Variants in CEPT1 observed in about 807,000 individuals in gnomAD.
CEPT1 encodes the protein choline/ethanolaminephosphotransferase 1.
CEPT1 carries 7 observed loss-of-function variants against 42.6 expected under a neutral mutation model. The ratio of observed to expected loss-of-function variants is 0.16; its 90% confidence interval spans 0.09 to 0.31. The LOEUF (loss-of-function observed/expected upper bound fraction) is 0.31, where lower values mean the gene tolerates loss of function less well. Ranked by LOEUF, CEPT1 falls within the 10% of genes least tolerant of loss-of-function variation. The pLI is 1.00. For missense variants in CEPT1, 306 were observed against 502.1 expected, an observed-to-expected ratio of 0.61 and a Z score of 3.73; for synonymous variants, 171 against 171.9, an observed-to-expected ratio of 0.99 and a Z score of 0.04.
intron 4 of CEPT1, among the ~76,000 whole-genome samples, chr1:111,174,549 A>G (rs954674308): frequency 6.6e-6 from 1 of 151,310 alleles, no homozygotes; most frequent in Non-Finnish European, 1.5e-5. Context: ...TCTGCTTGAT[A>G]CTCAAAATTT....
chr1:111,156,802 T>C (rs1655598269), intron 2 of CEPT1, among the ~76,000 whole-genome samples: 1 of 152,226 alleles, frequency 6.6e-6, no homozygotes, highest in South Asian at 2.1e-4. Flanking sequence ...TATATTTGTA[T>C]GTATGTAAAA....
rs142435317 is a variant in CEPT1, at chr1:111,151,048, A to G, written c.339+2995A>G. Among the ~76,000 whole-genome samples the G allele has an allele frequency of 1.7e-3, 254 of 151,990 alleles. 1 individual carries two copies. Among genetic ancestry groups the G allele is most frequent in the African/African-American group, 5.7e-3 (238 of 41,448 alleles). On this transcript the variant is annotated intron_variant, in intron 2 of 8. Coordinates refer to ENST00000357172, the MANE Select transcript of CEPT1 (RefSeq NM_006090.5). ...TATTCTGAGCCAAATATCAGTGACT[A>G]TGGCCTGTGACACAGCCCTCAGGAG...
chr1:111,150,764 A>G (rs1247832535), intron 2 of CEPT1, among the ~76,000 whole-genome samples: 1 of 152,240 alleles, frequency 6.6e-6, no homozygotes, highest in East Asian at 1.9e-4. Context: ...CTCCTAGTAG[A>G]TAAGAAAATA....
intron 4 of CEPT1, among the ~76,000 whole-genome samples, chr1:111,164,768 G>A (rs1312783258): frequency 2.0e-5 from 3 of 151,538 alleles, no homozygotes; most frequent in Middle Eastern, 3.5e-3. Flanking sequence ...CTACAGGTGC[G>A]TGCTGCCACC....
chr1:111,162,627 G>C (rs1310375667), intron 4 of CEPT1, among the ~76,000 whole-genome samples: 1 of 152,190 alleles, frequency 6.6e-6, no homozygotes, highest in African/African-American at 2.4e-5. Flanking sequence ...GAAATTTATT[G>C]AACAGCCAGA....
In CEPT1 at chr1:111,158,791, T is replaced by C. The variant is rs554015711; in HGVS notation, c.340-589T>C. Among the ~76,000 whole-genome samples, 107 of 152,206 alleles carry C rather than the reference T, an allele frequency of 7.0e-4. 1 individual carries two copies. The highest frequency in any genetic ancestry group is 6.8e-3 in the Middle Eastern group (2 of 294). Reference sequence around the variant, plus strand: ...GACCCTTCTAATCTAAAGAATCTTATGGAAGACACCTAGTCCAATCTCTTG... The same window carrying C: ...GACCCTTCTAATCTAAAGAATCTTACGGAAGACACCTAGTCCAATCTCTTG... On this transcript the variant is annotated intron_variant, in intron 2 of 8. Transcript: ENST00000357172.
intron 1 of CEPT1, among the ~76,000 whole-genome samples, chr1:111,147,441 A>G (rs1029925302): frequency 6.6e-5 from 10 of 152,112 alleles, no homozygotes; most frequent in African/African-American, 2.4e-4. Flanking sequence ...GTCTCTTACT[A>G]TTTTTTGCTT....
intron 4 of CEPT1, among the ~76,000 whole-genome samples, chr1:111,165,921 C>A (rs561464611): frequency 1.2e-3 from 189 of 152,266 alleles, no homozygotes; most frequent in Admixed American, 2.4e-3. Context: ...TATTTGAAGA[C>A]CTCTTGATAA....
intron 4 of CEPT1, among the ~76,000 whole-genome samples, chr1:111,165,104 C>T (rs1158189747): frequency 8.3e-6 from 1 of 120,382 alleles, no homozygotes; most frequent in Admixed American, 1.1e-4. Context: ...GGCTAGAGTG[C>T]AGTGGTGCGA....
chr1:111,159,629 G>A (rs1655769033), intron 3 of CEPT1, 102 bp downstream of exon 3: 2 of 868,478 alleles, frequency 2.3e-6, no homozygotes, highest in Non-Finnish European at 3.3e-6. Context: ...AAGTAATTTT[G>A]TATTAAATTT....
intron 2 of CEPT1, among the ~76,000 whole-genome samples, chr1:111,157,818 A>G (rs1486090935): frequency 6.6e-6 from 1 of 152,230 alleles, no homozygotes; most frequent in Non-Finnish European, 1.5e-5. Context: ...ATAGATCTCT[A>G]TCAGAGAGAA....
intron 1 of CEPT1, among the ~76,000 whole-genome samples, chr1:111,142,427 CAG>C (rs1314191256): frequency 5.9e-5 from 9 of 152,134 alleles, no homozygotes; most frequent in African/African-American, 2.2e-4. Context: ...TCTGTTTCAT[CAG>C]AGTCTGGAAC....
At chr1:111,160,468 C>T (rs779189546) in intron 3 of CEPT1, 1 of 152,244 alleles carries the variant, frequency 6.6e-6, no homozygotes, top group Non-Finnish European at 1.5e-5. Flanking sequence ...AAAATCATTG[C>T]TTCATTGTAT....
intron 2 of CEPT1, among the ~76,000 whole-genome samples, chr1:111,149,023 T>G (rs1655123492): frequency 6.6e-6 from 1 of 152,198 alleles, no homozygotes; most frequent in African/African-American, 2.4e-5. Context: ...TCAGATTATT[T>G]GTCCTTTGAG....
chr1:111,167,597 G>A, intron 4 of CEPT1: 1 of 975,626 alleles, frequency 1.0e-6, no homozygotes. Flanking sequence ...ATTAATGTAG[G>A]AAAGATTCTG....
chr1:111,183,678 C>A, intron 8 of CEPT1, 91 bp downstream of exon 8: 2 of 1,255,160 alleles, frequency 1.6e-6, no homozygotes, highest in South Asian at 1.4e-5. Flanking sequence ...AAAGATCGTT[C>A]ATATAATTGT....
chr1:111,148,085 C>T, intron 2 of CEPT1, 32 bp downstream of exon 2: 1 of 1,536,092 alleles, frequency 6.5e-7, no homozygotes, highest in South Asian at 1.1e-5. Context: ...TCAACATTTG[C>T]TATATACCAA....
rs565236401 is a variant in CEPT1, at chr1:111,183,807, C to T, written c.1131+220C>T. On this transcript the variant is annotated intron_variant, in intron 8 of 8. Coordinates refer to ENST00000357172, the MANE Select transcript of CEPT1 (RefSeq NM_006090.5). The stretch of plus-strand genomic sequence containing the variant: ...CTAGTCCTGCCTACATCGGGCAGGG[C>T]TCATAAATTGCAAATTTCTGACTGA... Among the ~76,000 whole-genome samples, 15 of 152,232 alleles carry T rather than the reference C, an allele frequency of 9.9e-5. No homozygotes were observed. In the South Asian group the frequency reaches 3.1e-3, roughly 32 times the overall value.
Position 111,184,327 on chromosome 1 carries a change from T to G in CEPT1, c.*17T>G. The G allele has an allele frequency of 6.3e-7, 1 of 1,594,856 alleles. No individual in the cohort carries two copies. Among genetic ancestry groups the G allele is most frequent in the South Asian group, 1.1e-5 (1 of 88,176 alleles). ...CATCATTAATGATGTAATTGGTATA[T>G]AGGAACATCATGTTTTCTGCAGGAA... On this transcript the variant is annotated 3_prime_UTR_variant, in exon 9 of 9. Coordinates refer to ENST00000357172, the MANE Select transcript of CEPT1 (RefSeq NM_006090.5).
Sources: allele counts gnomAD v4.1 joint callset (sites outside exome capture counted in the v4.1 genomes callset), GRCh38; gene constraint gnomAD v4.1.1; transcripts MANE v1.5; gene names NCBI Gene and HGNC (gene_info 2026-07-23, HGNC 2026-07-21).